The following GPC6 variants were observed in gnomAD, a reference collection of about 807,000 sequenced individuals.
The protein encoded by GPC6 is glypican-6.
GPC6 carries 14 observed loss-of-function variants against 55.2 expected under a neutral mutation model. The ratio of observed to expected loss-of-function variants is 0.25; its 90% CI spans 0.17 to 0.40. The LOEUF (loss-of-function observed/expected upper bound fraction) is 0.40, where lower values mean the gene tolerates loss of function less well. GPC6 is among the 10% of genes least tolerant of loss of function. The pLI, the probability that GPC6 is intolerant of heterozygous loss-of-function variation, is 1.00. For missense variants in GPC6, 641 were observed against 708.5 expected, an observed-to-expected ratio of 0.90 and a Z score of 1.08; for synonymous variants, 278 against 259.6, an observed-to-expected ratio of 1.07 and a Z score of -0.68.
chr13:93,530,805 C>A (rs559828798), intron 1 of GPC6, among the ~76,000 whole-genome samples: 32 of 152,110 alleles, frequency 2.1e-4, no homozygotes, highest in Non-Finnish European at 4.0e-4. Context: ...GGAAATACTA[C>A]ATAGAAGACA....
At chr13:93,934,586 A>G (rs759568318) in intron 3 of GPC6, among the ~76,000 whole-genome samples, 5 of 152,188 alleles carry the variant, frequency 3.3e-5, no homozygotes, top group Non-Finnish European at 5.9e-5. Flanking sequence ...AATGCATTTC[A>G]TTGAGCAGTC....
rs1305507637 is a variant in GPC6, at chr13:94,354,138, T to A, written c.1153-28276T>A. 2.6e-5 allele frequency among the ~76,000 whole-genome samples: 4 copies of A among 152,192 alleles called. No homozygotes were observed. The South Asian group carries it at 8.3e-4, about 31-fold the overall frequency. On this transcript the variant is annotated intron_variant, in intron 6 of 8. Coordinates refer to ENST00000377047, the MANE Select transcript of GPC6 (RefSeq NM_005708.5). ...AGCTTCGGAGGCATCTTGTACAGAA[T>A]AACATATTCTGTTCTTTTCCCACAT...
intron 2 of GPC6, among the ~76,000 whole-genome samples, chr13:93,738,891 A>G (rs1210180656): frequency 6.6e-6 from 1 of 151,946 alleles, no homozygotes; most frequent in Non-Finnish European, 1.5e-5. Flanking sequence ...TCTGTCCTCC[A>G]AAACAACTCA....
intron 2 of GPC6, among the ~76,000 whole-genome samples, chr13:93,669,214 A>G (rs977588672): frequency 1.3e-5 from 2 of 152,106 alleles, no homozygotes; most frequent in Non-Finnish European, 2.9e-5. Context: ...TTTTTACTTC[A>G]TGGAAAGAAA....
At chr13:93,409,618 C>A (rs988542486) in intron 1 of GPC6, among the ~76,000 whole-genome samples, 1 of 152,152 alleles carries the variant, frequency 6.6e-6, no homozygotes, top group Non-Finnish European at 1.5e-5. Context: ...GGCCTGGAAC[C>A]TTTTGTTGTT....
chr13:93,753,485 G>A (rs895276568), intron 2 of GPC6, among the ~76,000 whole-genome samples: 10 of 151,788 alleles, frequency 6.6e-5, no homozygotes, highest in Admixed American at 6.6e-4. Flanking sequence ...ATGTATTTAT[G>A]GAGTACATGA....
In GPC6 at chr13:93,837,398, G is replaced by A. The variant is rs143669335; in HGVS notation, c.711+6853G>A. Among the ~76,000 whole-genome samples the A allele has an allele frequency of 2.9e-3, 443 of 152,186 alleles. 5 individuals carry two copies. The highest frequency in any genetic ancestry group is 1.0e-2 in the African/African-American group (414 of 41,504). On this transcript the variant is annotated intron_variant, in intron 3 of 8. Transcript: ENST00000377047. The stretch of plus-strand genomic sequence containing the variant: ...TCCTAATAACTGTATTGTACCTATC[G>A]AATATAAACTTCTGTCTTCTACAAT...
rs562127020 is a variant in GPC6 at position 93,885,030 on chromosome 13, A to G, written c.711+54485A>G. 2.6e-5 allele frequency among the ~76,000 whole-genome samples: 4 copies of G among 152,230 alleles called. No homozygotes were observed. In the East Asian group the frequency reaches 5.8e-4, roughly 22 times the overall value. ...AAGTGGGTTAATGAATGCCTATTCTATCAGGCTAAATGTTAGATGCTGGGT... is the reference window on the plus strand; with the variant it reads ...AAGTGGGTTAATGAATGCCTATTCTGTCAGGCTAAATGTTAGATGCTGGGT... On this transcript the variant is annotated intron_variant, in intron 3 of 8. Transcript: ENST00000377047.
chr13:93,443,487 G>A (rs1287258609), intron 1 of GPC6, among the ~76,000 whole-genome samples: 1 of 152,162 alleles, frequency 6.6e-6, no homozygotes, highest in Non-Finnish European at 1.5e-5. Context: ...CATAATGCTC[G>A]TAATTGGGTA....
intron 2 of GPC6, among the ~76,000 whole-genome samples, chr13:93,705,533 T>G (rs1882819741): frequency 6.6e-6 from 1 of 151,872 alleles, no homozygotes; most frequent in Non-Finnish European, 1.5e-5. Context: ...GCACTAGTTC[T>G]CAAATCTTGG....
At chr13:93,290,104 G>A (rs1039339301) in intron 1 of GPC6, among the ~76,000 whole-genome samples, 1 of 152,082 alleles carries the variant, frequency 6.6e-6, no homozygotes, top group East Asian at 1.9e-4. Flanking sequence ...TTAATGTAAC[G>A]AGACTCTTGG....
chr13:93,479,481 G>A (rs766199433), intron 1 of GPC6, among the ~76,000 whole-genome samples: 3 of 152,052 alleles, frequency 2.0e-5, no homozygotes, highest in Non-Finnish European at 4.4e-5. Context: ...AACAATTAGC[G>A]CTGTTCAGCA....
intron 2 of GPC6, among the ~76,000 whole-genome samples, chr13:93,569,201 T>C (rs1876281882): frequency 6.6e-6 from 1 of 152,084 alleles, no homozygotes; most frequent in Non-Finnish European, 1.5e-5. Context: ...TGAAGATAAA[T>C]AAGATTATAA....
At chr13:93,728,731 T>C (rs949380887) in intron 2 of GPC6, among the ~76,000 whole-genome samples, 1 of 151,964 alleles carries the variant, frequency 6.6e-6, no homozygotes, top group African/African-American at 2.4e-5. Flanking sequence ...CATGCCTGGC[T>C]AATTTTTGTA....
intron 4 of GPC6, among the ~76,000 whole-genome samples, chr13:94,143,085 A>G (rs900855943): frequency 6.6e-6 from 1 of 151,930 alleles, no homozygotes; most frequent in Non-Finnish European, 1.5e-5. Context: ...TCGGCCTCCC[A>G]AAGTGCTGGG....
intron 4 of GPC6, among the ~76,000 whole-genome samples, chr13:94,128,601 C>A (rs1886903471): frequency 6.6e-6 from 1 of 152,204 alleles, no homozygotes; most frequent in Non-Finnish European, 1.5e-5. Context: ...TCTTAACGGG[C>A]AATTAAATGC....
rs1236064427 is a variant in GPC6 at position 94,406,579 on chromosome 13, A to T, written c.*3362A>T. The T allele has an allele frequency of 6.6e-6, 1 of 152,208 alleles. No homozygotes were observed. Among genetic ancestry groups the T allele is most frequent in the Non-Finnish European group, 1.5e-5 (1 of 67,992 alleles). The allele number at this position is 152,208 out of a possible 1,614,324, so 9.4% of individuals were successfully genotyped here. A position where few individuals can be genotyped will look rare whatever the true frequency, so the allele number is the denominator to read the frequency against. On this transcript the variant is annotated 3_prime_UTR_variant, in exon 9 of 9. Coordinates refer to ENST00000377047, the MANE Select transcript of GPC6 (RefSeq NM_005708.5). ...CATTATTATTCATTGATAAGTAGTA[A>T]TAATTATAAAAGTAACATTCTTTAA... is the stretch of plus-strand genomic sequence containing the variant.
At chr13:94,335,996 C>G (rs535545320) in intron 6 of GPC6, among the ~76,000 whole-genome samples, 1 of 151,322 alleles carries the variant, frequency 6.6e-6, no homozygotes, top group East Asian at 1.9e-4. Context: ...TTTACTTGGA[C>G]AGAAGCCCAG....
intron 1 of GPC6, among the ~76,000 whole-genome samples, chr13:93,398,571 A>C (rs1875949929): frequency 6.6e-6 from 1 of 152,178 alleles, no homozygotes; most frequent in Non-Finnish European, 1.5e-5. Context: ...AGGTGAGTGC[A>C]GGGTTTGTCT....
Sources: gnomAD v4.1 joint callset for allele counts (sites outside exome capture counted in the v4.1 genomes callset) on GRCh38, gnomAD v4.1.1 for gene constraint, MANE v1.5 for transcripts, NCBI Gene and HGNC (gene_info 2026-07-23, HGNC 2026-07-21) for gene names.